FRMD4A: variants seen among roughly 807,000 people sequenced by gnomAD.
The protein encoded by FRMD4A is FERM domain-containing protein 4A.
FRMD4A carries 29 observed loss-of-function variants against 129.1 expected under a neutral mutation model. The ratio of observed to expected loss-of-function variants is 0.22; its 90% confidence interval spans 0.17 to 0.31. FRMD4A has a LOEUF of 0.31. Ranked by LOEUF, FRMD4A falls within the 10% of genes least tolerant of loss-of-function variation. The pLI is 1.00. For synonymous variants in FRMD4A, 634 were observed against 571.6 expected (o/e 1.11, Z -1.56); for missense variants, 1,272 against 1,375.8 (o/e 0.92, Z 1.19).
chr10:14,179,393 G>A (rs551071809), intron 2 of FRMD4A, among the ~76,000 whole-genome samples: 1 of 152,266 alleles, frequency 6.6e-6, no homozygotes, highest in African/African-American at 2.4e-5. Flanking sequence ...GATGATAATG[G>A]ATAGAAAAGG....
At chr10:14,282,633 C>CA (rs1845559487) in intron 2 of FRMD4A, among the ~76,000 whole-genome samples, 1 of 22 alleles carries the variant, frequency 0.045, no homozygotes, top group Admixed American at 0.17. Context: ...GTGTGGGGGA[C>CA]CCTTCCAGGA....
chr10:14,194,009 A>G (rs1219315402), intron 2 of FRMD4A, among the ~76,000 whole-genome samples: 2 of 152,200 alleles, frequency 1.3e-5, no homozygotes, highest in African/African-American at 4.8e-5. Context: ...AAGACACAGA[A>G]TTTCCATGCA....
intron 5 of FRMD4A, among the ~76,000 whole-genome samples, chr10:13,785,858 A>G (rs924270186): frequency 3.0e-4 from 46 of 151,024 alleles, no homozygotes; most frequent in Non-Finnish European, 4.9e-4. Context: ...ACCTATGAGT[A>G]AGAACATGTG....
In FRMD4A at chr10:14,330,157, G is replaced by A; in HGVS notation, c.-55C>T. On this transcript the variant is annotated 5_prime_UTR_variant, in exon 2 of 25. Coordinates refer to ENST00000357447, the MANE Select transcript of FRMD4A (RefSeq NM_018027.5). The stretch of plus-strand genomic sequence containing the variant: ...TGCCGAGTCAGTCCTCCTGGGCCCC[G>A]GGTGGCTACAGAGCATCCAAAAGCA... The A allele has an allele frequency of 1.3e-6, 2 of 1,532,370 alleles. No individual in the cohort carries two copies. The highest frequency in any genetic ancestry group is 8.8e-7 in the Non-Finnish European group (1 of 1,130,944). The allele number at this position is 1,532,370 out of a possible 1,614,324, so 94.9% of individuals were successfully genotyped here. A position where few individuals can be genotyped will look rare whatever the true frequency, so the allele number is the denominator to read the frequency against.
chr10:13,744,879 A>G (rs1479982206), intron 9 of FRMD4A, among the ~76,000 whole-genome samples: 2 of 152,202 alleles, frequency 1.3e-5, no homozygotes, highest in Non-Finnish European at 2.9e-5. Context: ...TTCATTCTGT[A>G]TCTGTAGGAA....
chr10:13,747,816 A>T lies in FRMD4A; in HGVS notation c.468T>A (p.Asn156Lys). 1.3e-6 allele frequency: 2 copies of T among 1,581,824 alleles called. No individual in the cohort carries two copies. Among genetic ancestry groups the T allele is most frequent in the Non-Finnish European group, 1.7e-6 (2 of 1,150,606 alleles). Residue 156 changes from asparagine to lysine, a missense_variant, in exon 9 of 25, where the codon AAT becomes AAA. Physicochemically the swap from Asn to Lys is moderately conservative, Grantham distance 94. This residue lies in a region of FRMD4A where 300 missense variants were observed against 483.6 expected (regional missense o/e 0.62). Transcript: ENST00000357447. ...TCTTCAAGTCACTCCTCACAACTTC[A>T]TTGCTGAAAGAGAGAATGCCCAGAA... Reference protein sequence around the residue: ...LQEAKGDFSSNEVVRSDLKKL... With the variant: ...LQEAKGDFSSKEVVRSDLKKL...
rs184060776 is a variant in FRMD4A, at chr10:14,089,231, G to T, written c.46-230319C>A. ...ACCTGTTTTCCCACAGGCCCCTGGC[G>T]CTGGTTCTCTCTGGAGGTTGAGTTT... On this transcript the variant is annotated intron_variant, in intron 2 of 24. Coordinates refer to ENST00000357447, the MANE Select transcript of FRMD4A (RefSeq NM_018027.5). 2.0e-3 allele frequency among the ~76,000 whole-genome samples: 303 copies of T among 152,284 alleles called. 2 individuals are homozygous for T. The highest frequency in any genetic ancestry group is 0.018 in the Admixed American group (272 of 15,304).
chr10:13,993,176 C>A lies in FRMD4A; in HGVS notation c.46-134264G>T, dbSNP rs553141230. On this transcript the variant is annotated intron_variant, in intron 2 of 24. Transcript: ENST00000357447. ...AGTTGCATCTCTGCTGTGGATGTGA[C>A]AAGTGTGAGCTGCTGTTTAGAAGGG... 2.0e-5 allele frequency among the ~76,000 whole-genome samples: 3 copies of A among 152,240 alleles called. No individual in the cohort carries two copies. In the South Asian group the frequency reaches 6.2e-4, roughly 32 times the overall value.
At chr10:13,695,435 C>G (rs1333380730) in intron 14 of FRMD4A, among the ~76,000 whole-genome samples, 2 of 152,206 alleles carry the variant, frequency 1.3e-5, no homozygotes, top group Admixed American at 6.5e-5. Context: ...GCCACCGCGC[C>G]TGGCTAAAGC....
intron 12 of FRMD4A, among the ~76,000 whole-genome samples, chr10:13,734,941 T>A (rs2090549307): frequency 6.6e-6 from 1 of 152,116 alleles, no homozygotes; most frequent in Non-Finnish European, 1.5e-5. Flanking sequence ...TGGTGCGATC[T>A]CAGCTTACTG....
chr10:13,985,423 C>T (rs553947355), intron 2 of FRMD4A, among the ~76,000 whole-genome samples: 25 of 152,316 alleles, frequency 1.6e-4, no homozygotes, highest in African/African-American at 5.3e-4. Context: ...TTGGTGGCTA[C>T]AGGCTGATTC....
chr10:14,012,107 G>A (rs10508471), intron 2 of FRMD4A, among the ~76,000 whole-genome samples: 59,371 of 151,588 alleles, frequency 0.39, 13,830 homozygotes, highest in Non-Finnish European at 0.54. Context: ...TGGATGACAC[G>A]GTACCCTCAG....
chr10:14,270,266 C>A (rs1291839056), intron 2 of FRMD4A, among the ~76,000 whole-genome samples: 1 of 152,208 alleles, frequency 6.6e-6, no homozygotes, highest in Admixed American at 6.5e-5. Context: ...GAGCCAATTC[C>A]CCTGATAAAT....
intron 3 of FRMD4A, among the ~76,000 whole-genome samples, chr10:13,826,429 T>C (rs948789616): frequency 6.6e-6 from 1 of 152,208 alleles, no homozygotes. Flanking sequence ...AAATACCCGC[T>C]GCATCTACTA....
At chr10:13,762,152 G>T (rs1397015799) in intron 7 of FRMD4A, among the ~76,000 whole-genome samples, 1 of 152,168 alleles carries the variant, frequency 6.6e-6, no homozygotes, top group Non-Finnish European at 1.5e-5. Context: ...AAGGAATAAA[G>T]AAATGATATC....
rs1414548088 is a variant in FRMD4A, at chr10:13,660,409, T to C, written c.1805A>G (p.Asp602Gly). ...RQMHYHRNDYDKSPIKPKMWS... is the reference protein window; with the variant it reads ...RQMHYHRNDYGKSPIKPKMWS... ...CATTTTGGGCTTGATGGGTGACTTG[T>C]CATAGTCGTTGCGGTGATAGTGCAT... is the stretch of plus-strand genomic sequence containing the variant. The change falls in exon 20 of 25, where the codon GAC (aspartate) becomes GGC (glycine). Residue 602 changes from aspartate (D) to glycine (G), a missense_variant. Around this residue, in one of 2 missense-constraint regions of FRMD4A, gnomAD observed 972 missense variants for 892.3 expected, o/e 1.09. Coordinates refer to ENST00000357447, the MANE Select transcript of FRMD4A (RefSeq NM_018027.5). 3 of 1,614,138 alleles carry C rather than the reference T, an allele frequency of 1.9e-6. No homozygotes were observed. The highest frequency in any genetic ancestry group is 2.5e-6 in the Non-Finnish European group (3 of 1,179,970).
chr10:13,765,704 T>C (rs2092264074), intron 6 of FRMD4A, among the ~76,000 whole-genome samples: 1 of 152,174 alleles, frequency 6.6e-6, no homozygotes, highest in Non-Finnish European at 1.5e-5. Flanking sequence ...CTGTCGGTGC[T>C]GGGATGCGGA....
At position 14,156,759 on chromosome 10, in the gene FRMD4A, C is replaced by T. The variant is rs536526970; in HGVS notation, c.45+173299G>A. Among the ~76,000 whole-genome samples the T allele has an allele frequency of 4.9e-4, 75 of 152,322 alleles. 1 individual carries two copies. Among genetic ancestry groups the T allele is most frequent in the African/African-American group, 1.4e-3 (58 of 41,586 alleles). Reference sequence around the variant, plus strand: ...AAAACACTTTAATGGGAACCTTAGACGCTTCCACAGACTCCTGGCTGTTCC... The same window carrying T: ...AAAACACTTTAATGGGAACCTTAGATGCTTCCACAGACTCCTGGCTGTTCC... On this transcript the variant is annotated intron_variant, in intron 2 of 24. Transcript: ENST00000357447.
chr10:14,308,531 C>A (rs768023847), intron 2 of FRMD4A, among the ~76,000 whole-genome samples: 1 of 152,106 alleles, frequency 6.6e-6, no homozygotes, highest in Non-Finnish European at 1.5e-5. Flanking sequence ...AACCTGCTTT[C>A]CTATGATTTA....
Sources: allele counts gnomAD v4.1 joint callset (sites outside exome capture counted in the v4.1 genomes callset), GRCh38; gene constraint gnomAD v4.1.1; regional missense constraint gnomAD v4.1.1; transcripts MANE v1.5; gene names NCBI Gene and HGNC (gene_info 2026-07-23, HGNC 2026-07-21).